AFAP1: variants seen among roughly 807,000 people sequenced by gnomAD.
AFAP1 encodes actin filament-associated protein 1.
In AFAP1, 75 loss-of-function variants were observed where a neutral mutation model predicts 93.9. The ratio of observed to expected loss-of-function variants is 0.80; its 90% CI spans 0.66 to 0.97. AFAP1 has a LOEUF of 0.97. AFAP1 is among the 50% of genes least tolerant of loss of function. The probability of loss-of-function intolerance (pLI) is 0.00; values close to 1 mark genes in which losing one functional copy is unlikely to be tolerated. For synonymous variants in AFAP1, 517 were observed against 430.7 expected (o/e 1.20, Z -2.48); for missense variants, 1,201 against 1,050.8 (o/e 1.14, Z -1.98).
intron 3 of AFAP1, among the ~76,000 whole-genome samples, chr4:7,868,077 A>G (rs1228280936): frequency 6.6e-6 from 1 of 152,040 alleles, no homozygotes; most frequent in Non-Finnish European, 1.5e-5. Flanking sequence ...AAATGAGGGA[A>G]TCGCCAGATT....
chr4:7,793,914 G>A, intron 10 of AFAP1, 88 bp from the exon 11 acceptor site: 1 of 1,324,752 alleles, frequency 7.5e-7, no homozygotes, highest in Non-Finnish European at 9.9e-7. Context: ...CACATAATAG[G>A]AAAGGCGATG....
At chr4:7,907,316 G>C (rs1411811258) in intron 1 of AFAP1, among the ~76,000 whole-genome samples, 2 of 152,064 alleles carry the variant, frequency 1.3e-5, no homozygotes, top group Non-Finnish European at 2.9e-5. Flanking sequence ...CCCAAAACTA[G>C]GCTGCAACGT....
At chr4:7,790,631 A>G (rs1413449650) in intron 11 of AFAP1, among the ~76,000 whole-genome samples, 1 of 151,130 alleles carries the variant, frequency 6.6e-6, no homozygotes, top group East Asian at 1.9e-4. Flanking sequence ...AGATTTTGCA[A>G]AAATAGACTT....
At chr4:7,843,025 C>T in intron 5 of AFAP1, 114 bp downstream of exon 5, 1 of 1,211,968 alleles carries the variant, frequency 8.3e-7, no homozygotes, top group Admixed American at 2.2e-5. Flanking sequence ...ACCTGGCTGA[C>T]ACCTGAGTGC....
At chr4:7,825,280 C>T (rs1721323656) in intron 6 of AFAP1, among the ~76,000 whole-genome samples, 2 of 152,182 alleles carry the variant, frequency 1.3e-5, no homozygotes, top group Admixed American at 6.5e-5. Flanking sequence ...ACCTTTCCAT[C>T]ACTCTAGCGC....
At chr4:7,807,110 G>T (rs1053431965) in intron 9 of AFAP1, among the ~76,000 whole-genome samples, 1 of 152,108 alleles carries the variant, frequency 6.6e-6, no homozygotes, top group Non-Finnish European at 1.5e-5. Context: ...TAAATGGACG[G>T]GTTTGGGCCA....
chr4:7,808,543 C>T (rs1411851435), intron 9 of AFAP1, among the ~76,000 whole-genome samples: 7 of 150,752 alleles, frequency 4.6e-5, no homozygotes, highest in Non-Finnish European at 7.4e-5. Flanking sequence ...AGATGACTTA[C>T]TGGATGAAAG....
At chr4:7,893,594 A>AAAG (rs1553852858) in intron 1 of AFAP1, among the ~76,000 whole-genome samples, 3 of 151,512 alleles carry the variant, frequency 2.0e-5, no homozygotes, top group African/African-American at 7.3e-5. Flanking sequence ...AAAAAAAAAA[A>AAAG]AAAAAGGTTA....
chr4:7,798,186 T>G (rs1468001195), intron 10 of AFAP1, among the ~76,000 whole-genome samples: 1 of 120,910 alleles, frequency 8.3e-6, no homozygotes, highest in Non-Finnish European at 1.8e-5. Context: ...CTCACGGCAC[T>G]GCAACTCTAT....
At chr4:7,910,037 G>T (rs1228780499) in intron 1 of AFAP1, among the ~76,000 whole-genome samples, 1 of 152,028 alleles carries the variant, frequency 6.6e-6, no homozygotes, top group East Asian at 1.9e-4. Context: ...TAAATTGCCG[G>T]GTGAAAAAAA....
At chr4:7,826,334 A>G (rs1367792966) in intron 6 of AFAP1, among the ~76,000 whole-genome samples, 2 of 152,134 alleles carry the variant, frequency 1.3e-5, no homozygotes, top group African/African-American at 4.8e-5. Flanking sequence ...CCAGAGGCAC[A>G]GCCCTTCTCC....
chr4:7,816,199 A>T, intron 7 of AFAP1, 100 bp from the exon 8 acceptor site: 2 of 1,010,938 alleles, frequency 2.0e-6, no homozygotes, highest in Non-Finnish European at 2.9e-6. Context: ...GAAAGAAAAC[A>T]CAGGCCAAAT....
intron 9 of AFAP1, among the ~76,000 whole-genome samples, chr4:7,804,659 T>C (rs1470132286): frequency 1.3e-5 from 2 of 152,222 alleles, no homozygotes; most frequent in Non-Finnish European, 2.9e-5. Flanking sequence ...CAGAGCCTTT[T>C]AGAAGAGTGG....
chr4:7,797,047 G>C (rs1204980488), intron 10 of AFAP1, among the ~76,000 whole-genome samples: 2 of 138,776 alleles, frequency 1.4e-5, no homozygotes, highest in Non-Finnish European at 3.1e-5. Flanking sequence ...ATGACAGAGT[G>C]AGACCTTGTC....
intron 8 of AFAP1, among the ~76,000 whole-genome samples, chr4:7,811,194 T>C (rs909736728): frequency 2.0e-5 from 3 of 152,166 alleles, no homozygotes; most frequent in African/African-American, 7.2e-5. Context: ...CTCAGTGTCG[T>C]GGGCAAACCC....
At chr4:7,906,994 CT>C (rs1577350245) in intron 1 of AFAP1, among the ~76,000 whole-genome samples, 1 of 115,626 alleles carries the variant, frequency 8.6e-6, no homozygotes, top group East Asian at 2.1e-4. Context: ...AAAAGCAAAA[CT>C]CCACCTCAAA....
intron 3 of AFAP1, among the ~76,000 whole-genome samples, chr4:7,859,023 G>A (rs1256846214): frequency 2.0e-5 from 3 of 152,302 alleles, no homozygotes; most frequent in East Asian, 1.9e-4. Context: ...TCAACTCTCC[G>A]TCACTATCAG....
At chr4:7,912,540 G>A (rs1577354148) in intron 1 of AFAP1, among the ~76,000 whole-genome samples, 2 of 152,062 alleles carry the variant, frequency 1.3e-5, no homozygotes, top group Admixed American at 6.6e-5. Context: ...TTTTTCTGAC[G>A]GCTAATGATG....
chr4:7,925,853 A>AAG (rs1553857069), intron 1 of AFAP1, among the ~76,000 whole-genome samples: 6 of 147,246 alleles, frequency 4.1e-5, no homozygotes, highest in Admixed American at 6.8e-5. Flanking sequence ...CTCAAAAAAA[A>AAG]AAAGAAAGAA....
Sources: allele counts gnomAD v4.1 joint callset (sites outside exome capture counted in the v4.1 genomes callset), GRCh38; gene constraint gnomAD v4.1.1; transcripts MANE v1.5; gene names NCBI Gene and HGNC (gene_info 2026-07-23, HGNC 2026-07-21).